LRRTM4: variants seen among roughly 807,000 people sequenced by gnomAD.
LRRTM4 encodes leucine rich repeat transmembrane neuronal 4.
LRRTM4 carries 25 observed loss-of-function variants against 47.6 expected under a neutral mutation model. The ratio of observed to expected loss-of-function variants is 0.53; its 90% CI spans 0.38 to 0.73. The LOEUF (loss-of-function observed/expected upper bound fraction) is 0.73, where lower values mean the gene tolerates loss of function less well. Ranked by LOEUF, LRRTM4 falls within the 30% of genes least tolerant of loss-of-function variation. The pLI, the probability that LRRTM4 is intolerant of heterozygous loss-of-function variation, is 0.00. For synonymous variants in LRRTM4, 311 were observed against 269.5 expected (o/e 1.15, Z -1.51); for missense variants, 638 against 713.4 (o/e 0.89, Z 1.20).
chr2:76,807,425 C>CGT (rs1553412611), intron 3 of LRRTM4, among the ~76,000 whole-genome samples: 1 of 98,080 alleles, frequency 1.0e-5, no homozygotes. Flanking sequence ...TATATATATA[C>CGT]ATATATATAT....
chr2:77,047,792 A>G (rs567649941), intron 3 of LRRTM4, among the ~76,000 whole-genome samples: 1 of 152,164 alleles, frequency 6.6e-6, no homozygotes, highest in South Asian at 2.1e-4. Context: ...ACAAATTTCA[A>G]CTCATAACAT....
chr2:77,345,854 A>C (rs1671541679), intron 3 of LRRTM4, among the ~76,000 whole-genome samples: 2 of 151,836 alleles, frequency 1.3e-5, no homozygotes, highest in Admixed American at 6.6e-5. Context: ...ATATATATAC[A>C]CAGACACACA....
intron 3 of LRRTM4, among the ~76,000 whole-genome samples, chr2:76,902,522 A>C (rs181235783): frequency 1.3e-5 from 2 of 152,190 alleles, no homozygotes; most frequent in African/African-American, 2.4e-5. Flanking sequence ...GACCTTGATG[A>C]TGGATCTGAA....
chr2:77,410,008 T>A (rs773713417), intron 3 of LRRTM4, among the ~76,000 whole-genome samples: 2 of 152,154 alleles, frequency 1.3e-5, no homozygotes. Flanking sequence ...TTTATAGAAG[T>A]CATGATTTCA....
intron 3 of LRRTM4, among the ~76,000 whole-genome samples, chr2:77,044,027 A>C (rs1679128314): frequency 1.3e-5 from 2 of 151,296 alleles, no homozygotes; most frequent in Non-Finnish European, 3.0e-5. Flanking sequence ...TTCCTCCTTC[A>C]TTTCTGTTTG....
chr2:77,053,336 G>A (rs569591305), intron 3 of LRRTM4, among the ~76,000 whole-genome samples: 1 of 152,150 alleles, frequency 6.6e-6, no homozygotes, highest in South Asian at 2.1e-4. Flanking sequence ...AGACAACAAT[G>A]CAGGATGATG....
intron 3 of LRRTM4, among the ~76,000 whole-genome samples, chr2:77,224,019 C>A (rs899754271): frequency 3.3e-5 from 5 of 151,426 alleles, no homozygotes; most frequent in Non-Finnish European, 7.4e-5. Context: ...GAGATATAGA[C>A]CAATGGAACA....
intron 3 of LRRTM4, among the ~76,000 whole-genome samples, chr2:76,851,553 G>A (rs1573210689): frequency 6.6e-6 from 1 of 151,608 alleles, no homozygotes; most frequent in East Asian, 2.0e-4. Context: ...AGGAAGCACA[G>A]GCTTAGAAAT....
At chr2:77,086,113 AC>A (rs1476872171) in intron 3 of LRRTM4, among the ~76,000 whole-genome samples, 1 of 152,140 alleles carries the variant, frequency 6.6e-6, no homozygotes. Context: ...ACTGTAAAAA[AC>A]CTTAATAATA....
rs549674937 is a variant in LRRTM4, at chr2:76,875,191, G to C, written c.1552-126275C>G. Among the ~76,000 whole-genome samples, 7 of 152,216 alleles carry C rather than the reference G, an allele frequency of 4.6e-5. No homozygotes were observed. In the South Asian group the frequency reaches 1.4e-3, roughly 32 times the overall value. On this transcript the variant is annotated intron_variant, in intron 3 of 3. Coordinates refer to ENST00000409884, the MANE Select transcript of LRRTM4 (RefSeq NM_001134745.3). ...TTTTACTTTTCAATAATGCACATAT[G>C]AAGAGTCTGCATTTGCCTCAGATAA...
intron 3 of LRRTM4, among the ~76,000 whole-genome samples, chr2:77,301,526 A>G (rs1182919738): frequency 6.6e-6 from 1 of 152,206 alleles, no homozygotes; most frequent in African/African-American, 2.4e-5. Context: ...GTAATACTGC[A>G]CAAATTACCA....
intron 3 of LRRTM4, among the ~76,000 whole-genome samples, chr2:77,383,217 A>G (rs1245991839): frequency 1.3e-5 from 2 of 152,060 alleles, no homozygotes; most frequent in African/African-American, 4.8e-5. Flanking sequence ...AGGATAATTC[A>G]TCTTTAATTG....
intron 3 of LRRTM4, among the ~76,000 whole-genome samples, chr2:77,047,425 G>C (rs1419360379): frequency 1.3e-5 from 2 of 152,004 alleles, no homozygotes; most frequent in Non-Finnish European, 2.9e-5. Context: ...AAAACTCTGA[G>C]ATCTAGGTTT....
At chr2:77,236,206 T>C (rs977030675) in intron 3 of LRRTM4, among the ~76,000 whole-genome samples, 1 of 152,110 alleles carries the variant, frequency 6.6e-6, no homozygotes, top group East Asian at 1.9e-4. Context: ...TAACAGTGTT[T>C]TGTTTTTCCC....
intron 3 of LRRTM4, among the ~76,000 whole-genome samples, chr2:77,194,730 G>A (rs1673765298): frequency 6.6e-6 from 1 of 151,854 alleles, no homozygotes; most frequent in Admixed American, 6.6e-5. Flanking sequence ...CTAACCTATG[G>A]GTAACAGGAC....
intron 3 of LRRTM4, among the ~76,000 whole-genome samples, chr2:77,189,813 ATATAGT>A (rs1359339921): frequency 6.6e-6 from 1 of 152,124 alleles, no homozygotes; most frequent in African/African-American, 2.4e-5. Flanking sequence ...CTGACTATAC[ATATAGT>A]TATATACATA....
intron 3 of LRRTM4, among the ~76,000 whole-genome samples, chr2:77,223,229 A>G (rs1344804911): frequency 6.6e-6 from 1 of 152,220 alleles, no homozygotes; most frequent in Non-Finnish European, 1.5e-5. Context: ...AGAGTTATCT[A>G]TGACAAACCC....
At chr2:77,113,096 C>T (rs1175763597) in intron 3 of LRRTM4, among the ~76,000 whole-genome samples, 1 of 152,054 alleles carries the variant, frequency 6.6e-6, no homozygotes, top group African/African-American at 2.4e-5. Context: ...TTACTTGTTC[C>T]GTGGTAACAG....
At chr2:76,824,816 CAAG>C (rs1333648582) in intron 3 of LRRTM4, among the ~76,000 whole-genome samples, 2 of 151,442 alleles carry the variant, frequency 1.3e-5, no homozygotes, top group African/African-American at 4.8e-5. Flanking sequence ...GACAGTCCAT[CAAG>C]AATGAATAGA....
Sources: allele counts gnomAD v4.1 joint callset (sites outside exome capture counted in the v4.1 genomes callset), GRCh38; gene constraint gnomAD v4.1.1; transcripts MANE v1.5; gene names NCBI Gene and HGNC (gene_info 2026-07-23, HGNC 2026-07-21).